Variants in COG4 observed in about 807,000 individuals in gnomAD.
The protein encoded by COG4 is conserved oligomeric Golgi complex subunit 4.
In COG4, 65 loss-of-function variants were observed where a neutral mutation model predicts 95.1. That is an observed-to-expected ratio of 0.68 (90% CI 0.56 to 0.84). The LOEUF (loss-of-function observed/expected upper bound fraction) is 0.84. COG4 is among the 40% of genes least tolerant of loss of function. COG4 has a pLI of 0.00. For synonymous variants in COG4, 421 were observed against 374.8 expected (o/e 1.12, Z -1.42); for missense variants, 1,045 against 989.1 (o/e 1.06, Z -0.76).
chr16:70,501,020 T>G lies in COG4; in HGVS notation c.1133A>C (p.Lys378Thr). ...CTCAAAATCAGAGCTAATCCTCTTC[T>G]TGAGGAAGCGTAAGTATAGCTCACT... Reference protein sequence around the residue: ...ARSELYLRFLKKRISSDFEVG... With the variant: ...ARSELYLRFLTKRISSDFEVG... Residue 378 changes from lysine (K) to threonine (T), a missense_variant, in exon 9 of 19, where the codon AAG becomes ACG. Lys to Thr is a moderately conservative substitution (Grantham distance 78, BLOSUM62 -1). Transcript: ENST00000323786. 6.2e-7 allele frequency: 1 copy of G among 1,614,044 alleles called. No individual in the cohort carries two copies. Among genetic ancestry groups the G allele is most frequent in the Non-Finnish European group, 8.5e-7 (1 of 1,179,918 alleles).
At position 70,482,396 on chromosome 16, in the gene COG4, C is replaced by T. The variant is rs185030647; in HGVS notation, c.1921-221G>A. The stretch of plus-strand genomic sequence containing the variant: ...TGGCCCACATAACATGGTAAAGTTC[C>T]TGGCATTTTATTCCTTCTTGGATCT... On this transcript the variant is annotated intron_variant, in intron 15 of 18. Transcript: ENST00000323786. 1.0e-3 allele frequency: 643 copies of T among 628,574 alleles called. 1 individual carries two copies. The highest frequency in any genetic ancestry group is 5.3e-3 in the Middle Eastern group (16 of 3,042). 38.9% of individuals were successfully genotyped at this position (628,574 alleles called of 1,614,324 possible).
At chr16:70,499,442 C>T (rs2049403982) in intron 9 of COG4, among the ~76,000 whole-genome samples, 1 of 152,294 alleles carries the variant, frequency 6.6e-6, no homozygotes, top group South Asian at 2.1e-4. Flanking sequence ...ATGCCCCTGC[C>T]ACATATTATT....
At chr16:70,495,365 C>A (rs1183483194) in intron 12 of COG4, among the ~76,000 whole-genome samples, 3 of 149,538 alleles carry the variant, frequency 2.0e-5, no homozygotes, top group African/African-American at 7.5e-5. Flanking sequence ...CCATTGCACT[C>A]CAGCCTGGGG....
At chr16:70,502,381 G>T (rs980718740) in intron 8 of COG4, among the ~76,000 whole-genome samples, 2 of 150,652 alleles carry the variant, frequency 1.3e-5, no homozygotes, top group African/African-American at 2.4e-5. Context: ...GATCACCTGA[G>T]GTCGGGAGTT....
At chr16:70,507,272 C>A (rs1288214649) in intron 8 of COG4, among the ~76,000 whole-genome samples, 1 of 150,692 alleles carries the variant, frequency 6.6e-6, no homozygotes, top group Non-Finnish European at 1.5e-5. Context: ...AAAACAACAA[C>A]AAAAAAAAAC....
chr16:70,496,473 T>A, intron 11 of COG4, 42 bp from the exon 12 acceptor site: 1 of 1,607,980 alleles, frequency 6.2e-7, no homozygotes, highest in East Asian at 2.2e-5. Flanking sequence ...AGTGCTCAAC[T>A]TGGCCACCAG....
At chr16:70,509,032 T>A (rs988728427) in intron 7 of COG4, 199 bp downstream of exon 7, 2 of 678,404 alleles carry the variant, frequency 2.9e-6, no homozygotes. Flanking sequence ...GGTCTTGAAC[T>A]GAGGCCATCA....
chr16:70,509,083 G>T, intron 7 of COG4, 148 bp downstream of exon 7: 1 of 969,766 alleles, frequency 1.0e-6, no homozygotes. Context: ...AGCTGTCAAT[G>T]GGCAAGATGC....
intron 3 of COG4, among the ~76,000 whole-genome samples, chr16:70,517,166 T>C (rs2049839098): frequency 6.6e-6 from 1 of 152,126 alleles, no homozygotes; most frequent in Non-Finnish European, 1.5e-5. Context: ...CCTAAAGTGA[T>C]GGGATTGTAG....
intron 8 of COG4, among the ~76,000 whole-genome samples, chr16:70,505,863 G>A (rs1224861918): frequency 6.6e-6 from 1 of 151,970 alleles, no homozygotes; most frequent in Non-Finnish European, 1.5e-5. Context: ...ATAAAAGTTT[G>A]GCTGGATACA....
chr16:70,516,317 G>A (rs1179968358), intron 3 of COG4, among the ~76,000 whole-genome samples: 1 of 98,116 alleles, frequency 1.0e-5, no homozygotes, highest in African/African-American at 5.9e-5. Flanking sequence ...TTTTTTTTTT[G>A]AGACAGAATC....
In COG4 at chr16:70,514,513, C is replaced by T. The variant is rs1196304214; in HGVS notation, c.370-4G>A. The stretch of plus-strand genomic sequence containing the variant: ...GAATGGCCTGATAGAGGCGGTTCTG[C>T]AAAAAGATTTGGTACTTACAAACAA... On this transcript the variant is annotated splice_region_variant and splice_polypyrimidine_tract_variant and intron_variant, in intron 3 of 18. Transcript: ENST00000323786. The T allele has an allele frequency of 1.2e-6, 2 of 1,613,620 alleles. No homozygotes were observed. Among genetic ancestry groups the T allele is most frequent in the Non-Finnish European group, 8.5e-7 (1 of 1,179,846 alleles).
At chr16:70,503,635 C>A (rs1162898363) in intron 8 of COG4, among the ~76,000 whole-genome samples, 1 of 121,226 alleles carries the variant, frequency 8.2e-6, no homozygotes, top group Admixed American at 7.3e-5. Context: ...CACTCTGTCG[C>A]CCAGGCTGGA....
At chr16:70,521,181 G>A (rs2049934173) in intron 1 of COG4, among the ~76,000 whole-genome samples, 1 of 151,376 alleles carries the variant, frequency 6.6e-6, no homozygotes. Flanking sequence ...CCAAAGAACT[G>A]CGATTAGAGG....
At chr16:70,489,942 C>T (rs1287876214) in intron 13 of COG4, among the ~76,000 whole-genome samples, 1 of 152,170 alleles carries the variant, frequency 6.6e-6, no homozygotes, top group Non-Finnish European at 1.5e-5. Context: ...CTCAGTTTCC[C>T]AAGCAGCTGG....
chr16:70,490,493 A>C, intron 12 of COG4, 101 bp from the exon 13 acceptor site: 1 of 956,634 alleles, frequency 1.0e-6, no homozygotes, highest in East Asian at 2.4e-5. Flanking sequence ...AAGCTCAGAG[A>C]AGGGCTGGCT....
chr16:70,490,081 G>C (rs1291023662), intron 13 of COG4, among the ~76,000 whole-genome samples: 1 of 152,180 alleles, frequency 6.6e-6, no homozygotes, highest in African/African-American at 2.4e-5. Context: ...GCCTCCGAAA[G>C]TGCTGGGATT....
Position 70,511,334 on chromosome 16 carries a change from AAT to A in COG4, c.738+903_738+904del, listed in dbSNP as rs199999860. ...TAACAAACCACATGTTACAGAATAAAATATGTCAGCACTTAGGGAACGGTATC... is the reference window on the plus strand; with the variant it reads ...TAACAAACCACATGTTACAGAATAAAATGTCAGCACTTAGGGAACGGTATC... On this transcript the variant is annotated intron_variant, in intron 5 of 18. Transcript: ENST00000323786. Among the ~76,000 whole-genome samples, 130 of 152,290 alleles carry A rather than the reference AAT, an allele frequency of 8.5e-4. 2 individuals are homozygous for A. The East Asian group carries it at 0.024, about 28-fold the overall frequency.
At chr16:70,509,893 C>T in intron 6 of COG4, 23 bp downstream of exon 6, 1 of 1,566,166 alleles carries the variant, frequency 6.4e-7, no homozygotes, top group South Asian at 1.1e-5. Flanking sequence ...TCCAGTCTCT[C>T]TAGAGCGGAG....
Sources: allele counts gnomAD v4.1 joint callset (sites outside exome capture counted in the v4.1 genomes callset), GRCh38; gene constraint gnomAD v4.1.1; transcripts MANE v1.5; gene names NCBI Gene and HGNC (gene_info 2026-07-23, HGNC 2026-07-21).